Variants in CNTN5 observed in about 807,000 individuals in gnomAD.
CNTN5 encodes contactin-5.
Under a neutral mutation model 129.1 loss-of-function variants are expected in CNTN5, and 77 were observed. The ratio of observed to expected loss-of-function variants is 0.60; its 90% CI spans 0.50 to 0.72. CNTN5 has a LOEUF of 0.72. Among genes scored for constraint, CNTN5 ranks in the 30% least tolerant of loss-of-function variants. CNTN5 has a pLI of 0.00. For synonymous variants in CNTN5, 509 were observed against 465.6 expected (o/e 1.09, Z -1.20); for missense variants, 1,478 against 1,328.8 (o/e 1.11, Z -1.75).
At chr11:99,737,253 A>G (rs1424923343) in intron 3 of CNTN5, among the ~76,000 whole-genome samples, 3 of 151,950 alleles carry the variant, frequency 2.0e-5, no homozygotes, top group African/African-American at 7.3e-5. Context: ...TTCTCAATCA[A>G]CTTACTCTAA....
rs80129242 is a variant in CNTN5, at chr11:99,612,279, A to G, written c.55+56010A>G. Among the ~76,000 whole-genome samples, 768 of 152,288 alleles carry G rather than the reference A, an allele frequency of 5.0e-3. 19 individuals are homozygous for G. In the East Asian group the frequency reaches 0.091, roughly 18 times the overall value. ...TGTAATTTCTACTTGAGCAAGATGC[A>G]GCAGAAAGTGAATGGGTTTTTGGAG... is the stretch of plus-strand genomic sequence containing the variant. On this transcript the variant is annotated intron_variant, in intron 3 of 24. Transcript: ENST00000524871.
chr11:99,473,810 TATA>T (rs775276812), intron 2 of CNTN5, among the ~76,000 whole-genome samples: 20 of 151,930 alleles, frequency 1.3e-4, no homozygotes, highest in Non-Finnish European at 2.6e-4. Context: ...ATATTTAAAA[TATA>T]ATATATATGA....
intron 2 of CNTN5, among the ~76,000 whole-genome samples, chr11:99,441,992 C>T (rs1012253199): frequency 1.3e-5 from 2 of 152,076 alleles, no homozygotes; most frequent in African/African-American, 4.8e-5. Flanking sequence ...TGTGTTATCT[C>T]TCCATTAAAT....
chr11:99,051,845 C>T (rs369443616), intron 1 of CNTN5, among the ~76,000 whole-genome samples: 1 of 151,820 alleles, frequency 6.6e-6, no homozygotes, highest in African/African-American at 2.4e-5. Context: ...TTTCAGAACT[C>T]GTAGTGGACA....
At chr11:99,474,117 A>C (rs1591123027) in intron 2 of CNTN5, among the ~76,000 whole-genome samples, 1 of 152,234 alleles carries the variant, frequency 6.6e-6, no homozygotes, top group East Asian at 1.9e-4. Context: ...AAATATCTCC[A>C]GTCTATAATA....
chr11:99,368,785 C>G (rs1253721610), intron 2 of CNTN5, among the ~76,000 whole-genome samples: 1 of 151,982 alleles, frequency 6.6e-6, no homozygotes, highest in African/African-American at 2.4e-5. Flanking sequence ...AATAGTGCAC[C>G]AGACATAATT....
intron 7 of CNTN5, among the ~76,000 whole-genome samples, chr11:99,930,221 A>G (rs1178428815): frequency 6.6e-6 from 1 of 152,154 alleles, no homozygotes; most frequent in Non-Finnish European, 1.5e-5. Context: ...TATACTGATC[A>G]AACTGCCATT....
intron 2 of CNTN5, among the ~76,000 whole-genome samples, chr11:99,358,377 C>T: frequency 7.8e-6 from 1 of 127,652 alleles, no homozygotes; most frequent in Admixed American, 9.1e-5. Context: ...AGCAGCCGGG[C>T]GCGGTGGCCG....
chr11:99,697,296 G>A (rs1954312266), intron 3 of CNTN5, among the ~76,000 whole-genome samples: 1 of 151,496 alleles, frequency 6.6e-6, no homozygotes, highest in Admixed American at 6.6e-5. Flanking sequence ...GGATGGGGTT[G>A]GGGAGAGAGA....
In CNTN5 at chr11:99,784,045, C is replaced by T. The variant is rs114389782; in HGVS notation, c.56-35499C>T. The stretch of plus-strand genomic sequence containing the variant: ...TTTAAAAGCTGTGTGCCTTGATACT[C>T]TAGTCACTACTCAAATGTATGTACA... On this transcript the variant is annotated intron_variant, in intron 3 of 24. Transcript: ENST00000524871. 7.0e-4 allele frequency among the ~76,000 whole-genome samples: 106 copies of T among 152,128 alleles called. 3 individuals are homozygous for T. In the East Asian group the frequency reaches 0.014, roughly 21 times the overall value.
rs575704250 is a variant in CNTN5 at position 99,073,377 on chromosome 11, T to G, written c.-210+52107T>G. Among the ~76,000 whole-genome samples, 60 of 140,300 alleles carry G rather than the reference T, an allele frequency of 4.3e-4. 1 individual carries two copies. Among genetic ancestry groups the G allele is most frequent in the African/African-American group, 1.2e-3 (46 of 37,078 alleles). 92.0% of individuals were successfully genotyped at this position (140,300 alleles called of 152,430 possible). ...TGGTATGTCTCTTTATGGTTTGGTT[T>G]TTTTTTTTTTTTTTTTTTTTTACTT... On this transcript the variant is annotated intron_variant, in intron 1 of 24. Transcript: ENST00000524871.
intron 1 of CNTN5, among the ~76,000 whole-genome samples, chr11:99,034,871 G>A (rs201142136): frequency 0.027 from 3,826 of 139,514 alleles, 82 homozygotes; most frequent in East Asian, 0.07. Context: ...TAGGGTGTCA[G>A]TTTTAGATCT....
At chr11:99,946,736 CT>C (rs1565707777) in intron 7 of CNTN5, among the ~76,000 whole-genome samples, 4 of 151,968 alleles carry the variant, frequency 2.6e-5, no homozygotes, top group African/African-American at 9.7e-5. Flanking sequence ...CACTCAATTA[CT>C]TTAAATATGA....
intron 2 of CNTN5, among the ~76,000 whole-genome samples, chr11:99,399,844 T>C (rs1234477199): frequency 1.3e-5 from 2 of 152,060 alleles, no homozygotes; most frequent in African/African-American, 4.8e-5. Flanking sequence ...TGGCTTTTTT[T>C]CTATAATTTT....
chr11:99,175,117 C>T (rs1165167505), intron 1 of CNTN5, among the ~76,000 whole-genome samples: 1 of 152,028 alleles, frequency 6.6e-6, no homozygotes, highest in African/African-American at 2.4e-5. Context: ...ACCTGTAGTC[C>T]TAGTTACTTG....
chr11:99,090,805 G>C (rs545128960), intron 1 of CNTN5, among the ~76,000 whole-genome samples: 1 of 150,794 alleles, frequency 6.6e-6, no homozygotes, highest in South Asian at 2.1e-4. Context: ...GGCGGATCAC[G>C]AGGTCAGGAG....
At chr11:99,998,499 TAA>T (rs1565772429) in intron 8 of CNTN5, among the ~76,000 whole-genome samples, 1 of 133,522 alleles carries the variant, frequency 7.5e-6, no homozygotes. Flanking sequence ...CTCAATGAAA[TAA>T]AAGAGGATAC....
chr11:99,498,940 T>C (rs555891760), intron 2 of CNTN5, among the ~76,000 whole-genome samples: 1 of 152,250 alleles, frequency 6.6e-6, no homozygotes, highest in Non-Finnish European at 1.5e-5. Context: ...TGGAGGTTTG[T>C]TTGGTAAAGC....
At chr11:99,805,785 A>C (rs1188996335) in intron 3 of CNTN5, among the ~76,000 whole-genome samples, 1 of 152,240 alleles carries the variant, frequency 6.6e-6, no homozygotes, top group Non-Finnish European at 1.5e-5. Flanking sequence ...TAGGTAGCTG[A>C]TAAATGTCAT....
Sources: allele counts gnomAD v4.1 joint callset (sites outside exome capture counted in the v4.1 genomes callset), GRCh38; gene constraint gnomAD v4.1.1; transcripts MANE v1.5; gene names NCBI Gene and HGNC (gene_info 2026-07-23, HGNC 2026-07-21).